The following PRKAR1B variants were observed in gnomAD, a reference collection of about 807,000 sequenced individuals.
PRKAR1B encodes the protein cAMP-dependent protein kinase type I-beta regulatory subunit.
PRKAR1B carries 22 observed loss-of-function variants against 46.5 expected under a neutral mutation model. The ratio of observed to expected loss-of-function variants is 0.47; its 90% CI spans 0.34 to 0.68. PRKAR1B has a LOEUF of 0.68. Ranked by LOEUF, PRKAR1B falls within the 30% of genes least tolerant of loss-of-function variation. The pLI, the probability that PRKAR1B is intolerant of heterozygous loss-of-function variation, is 0.01. For missense variants in PRKAR1B, 445 were observed against 535.6 expected (o/e 0.83, Z 1.67); for synonymous variants, 259 against 217.7 (o/e 1.19, Z -1.67).
intron 9 of PRKAR1B, among the ~76,000 whole-genome samples, chr7:561,308 A>G (rs1778783745): frequency 1.3e-5 from 2 of 152,212 alleles, no homozygotes; most frequent in Non-Finnish European, 1.5e-5. Context: ...AGAGGATGCA[A>G]GCAGCCCCTG....
chr7:691,078 C>T (rs935464980), intron 2 of PRKAR1B, among the ~76,000 whole-genome samples: 4 of 149,674 alleles, frequency 2.7e-5, no homozygotes, highest in African/African-American at 5.0e-5. Flanking sequence ...CTGGCCAGTC[C>T]GCTGCAAATC....
chr7:554,326 T>G (rs141212034), intron 9 of PRKAR1B, among the ~76,000 whole-genome samples: 28 of 152,400 alleles, frequency 1.8e-4, no homozygotes, highest in South Asian at 1.7e-3. Context: ...GCGGCGTTAT[T>G]TGTCTGGACA....
chr7:640,252 C>G (rs973994402), intron 4 of PRKAR1B, among the ~76,000 whole-genome samples: 7 of 151,966 alleles, frequency 4.6e-5, no homozygotes, highest in African/African-American at 1.7e-4. Context: ...GACAGCAAAC[C>G]ACAGACTGGG....
intron 5 of PRKAR1B, among the ~76,000 whole-genome samples, chr7:606,548 C>T (rs879600947): frequency 1.3e-5 from 2 of 152,094 alleles, no homozygotes; most frequent in Admixed American, 6.5e-5. Flanking sequence ...CAGGTTCAAG[C>T]GATTCTCCTG....
At chr7:716,067 A>G (rs576932570) in intron 1 of PRKAR1B, among the ~76,000 whole-genome samples, 1 of 150,410 alleles carries the variant, frequency 6.6e-6, no homozygotes, top group Admixed American at 6.6e-5. Flanking sequence ...TGTTGTTTTG[A>G]GACAGGGTCT....
intron 4 of PRKAR1B, among the ~76,000 whole-genome samples, chr7:616,841 G>GA (rs1782849125): frequency 6.6e-6 from 1 of 152,000 alleles, no homozygotes; most frequent in Non-Finnish European, 1.5e-5. Context: ...GTATTTTTGG[G>GA]AAAAAAAGTA....
At chr7:634,581 T>A (rs1470967265) in intron 4 of PRKAR1B, among the ~76,000 whole-genome samples, 1 of 151,628 alleles carries the variant, frequency 6.6e-6, no homozygotes, top group Non-Finnish European at 1.5e-5. Context: ...TTTTCCTGCT[T>A]GTTCTTAGGA....
At position 711,273 on chromosome 7, in the gene PRKAR1B, C is replaced by CG. The variant is rs1562359251; in HGVS notation, c.177+55dup. 9 of 1,594,664 alleles carry CG rather than the reference C, an allele frequency of 5.6e-6. No homozygotes were observed. In the Admixed American group the frequency reaches 1.0e-4, roughly 18 times the overall value. ...ACAGAGGGAAGGCTTCCCCGGCTGCCGCCTCTGCCCCAGGACACGTGCGAA... is the reference window on the plus strand; with the variant it reads ...ACAGAGGGAAGGCTTCCCCGGCTGCCGGCCTCTGCCCCAGGACACGTGCGAA... On this transcript the variant is annotated intron_variant, in intron 2 of 10. Coordinates refer to ENST00000537384, the MANE Select transcript of PRKAR1B (RefSeq NM_001164760.2).
At chr7:569,238 C>A (rs776165688) in intron 9 of PRKAR1B, among the ~76,000 whole-genome samples, 8 of 152,162 alleles carry the variant, frequency 5.3e-5, no homozygotes, top group Non-Finnish European at 8.8e-5. Flanking sequence ...AAGCAGAAAC[C>A]CTGAGCGTGA....
chr7:711,222 G>A (rs1780608056), intron 2 of PRKAR1B, 107 bp downstream of exon 2: 5 of 1,451,862 alleles, frequency 3.4e-6, no homozygotes, highest in Admixed American at 1.9e-5. Flanking sequence ...CAGTCTCTGG[G>A]GCACCCAGCC....
At chr7:622,402 G>C (rs1358617223) in intron 4 of PRKAR1B, among the ~76,000 whole-genome samples, 1 of 152,202 alleles carries the variant, frequency 6.6e-6, no homozygotes, top group Admixed American at 6.5e-5. Flanking sequence ...GTCTGCCTGA[G>C]GCTAAAAGAA....
At chr7:695,131 C>T (rs1002564400) in intron 2 of PRKAR1B, among the ~76,000 whole-genome samples, 1 of 152,140 alleles carries the variant, frequency 6.6e-6, no homozygotes, top group African/African-American at 2.4e-5. Flanking sequence ...ATCCTCACGC[C>T]ATATAAACTG....
At chr7:617,678 G>A (rs566756408) in intron 4 of PRKAR1B, among the ~76,000 whole-genome samples, 19 of 152,216 alleles carry the variant, frequency 1.2e-4, no homozygotes, top group South Asian at 4.2e-4. Flanking sequence ...ATACTCTCCC[G>A]GCCCCAGCTT....
chr7:710,500 G>T (rs1485009434), intron 2 of PRKAR1B, among the ~76,000 whole-genome samples: 1 of 152,060 alleles, frequency 6.6e-6, no homozygotes, highest in Non-Finnish European at 1.5e-5. Flanking sequence ...CATCATTCCC[G>T]GAGAGAAGAC....
intron 4 of PRKAR1B, among the ~76,000 whole-genome samples, chr7:632,885 C>T (rs1171191214): frequency 6.6e-6 from 1 of 152,190 alleles, no homozygotes; most frequent in African/African-American, 2.4e-5. Context: ...GGCCGGCACC[C>T]GTCAGCCCTC....
At chr7:700,638 G>A (rs1780006083) in intron 2 of PRKAR1B, among the ~76,000 whole-genome samples, 1 of 151,872 alleles carries the variant, frequency 6.6e-6, no homozygotes, top group African/African-American at 2.4e-5. Flanking sequence ...GGAATTGGTG[G>A]GGGAATCAGC....
intron 2 of PRKAR1B, among the ~76,000 whole-genome samples, chr7:688,203 C>T (rs1779206313): frequency 6.6e-6 from 1 of 151,512 alleles, no homozygotes; most frequent in South Asian, 2.1e-4. Flanking sequence ...GAGTTCGAGA[C>T]CAACCTGGTT....
chr7:692,452 AGAGAAGAG>A (rs2128516943), intron 2 of PRKAR1B, among the ~76,000 whole-genome samples: 1 of 151,764 alleles, frequency 6.6e-6, no homozygotes, highest in South Asian at 2.1e-4. Flanking sequence ...GAGAAGGAGA[AGAGAAGAG>A]GAGAAGAGAA....
intron 1 of PRKAR1B, among the ~76,000 whole-genome samples, chr7:718,257 C>CAT (rs1396573239): frequency 5.3e-4 from 2 of 3,744 alleles, no homozygotes; most frequent in Non-Finnish European, 1.3e-3. Context: ...TTTATAGATA[C>CAT]ACACACACAC....
Sources: allele counts gnomAD v4.1 joint callset (sites outside exome capture counted in the v4.1 genomes callset), GRCh38; gene constraint gnomAD v4.1.1; transcripts MANE v1.5; gene names NCBI Gene and HGNC (gene_info 2026-07-23, HGNC 2026-07-21).